FYB1: variants seen among roughly 807,000 people sequenced by gnomAD.
The protein encoded by FYB1 is FYN-binding protein 1.
FYB1 carries 41 observed loss-of-function variants against 94.1 expected under a neutral mutation model. That is an observed-to-expected ratio of 0.44 (90% CI 0.34 to 0.57). The LOEUF (loss-of-function observed/expected upper bound fraction) is 0.57. Among genes scored for constraint, FYB1 ranks in the 20% least tolerant of loss-of-function variants. The pLI, the probability that FYB1 is intolerant of heterozygous loss-of-function variation, is 0.02. For synonymous variants in FYB1, 367 were observed against 353.2 expected, an observed-to-expected ratio of 1.04 and a Z score of -0.44; for missense variants, 1,050 against 976.8, an observed-to-expected ratio of 1.07 and a Z score of -1.00.
chr5:39,127,794 T>C lies in FYB1; in HGVS notation c.1854A>G (p.Pro618=). 1 of 1,604,302 alleles carries C rather than the reference T, an allele frequency of 6.2e-7. No homozygotes were observed. Among genetic ancestry groups the C allele is most frequent in the South Asian group, 1.1e-5 (1 of 89,148 alleles). Residue 618 remains proline, a synonymous_variant, in exon 11 of 19, where the codon CCA becomes CCG. Transcript: ENST00000512982. Reference sequence around the variant, plus strand: ...CATCATAAATGTCATCATCTGGTGGTGGAGGGAATATCCCTTCATTTGGAT... The same window carrying C: ...CATCATAAATGTCATCATCTGGTGGCGGAGGGAATATCCCTTCATTTGGAT... ...SQSGSGGIFP[P]PPDDDIYDGI...
At chr5:39,198,253 A>C (rs952453899) in intron 2 of FYB1, among the ~76,000 whole-genome samples, 1 of 152,208 alleles carries the variant, frequency 6.6e-6, no homozygotes, top group South Asian at 2.1e-4. Flanking sequence ...TAGCTAGTAC[A>C]TTAGTCATGC....
At chr5:39,129,283 T>C (rs1740967415) in intron 10 of FYB1, among the ~76,000 whole-genome samples, 1 of 151,902 alleles carries the variant, frequency 6.6e-6, no homozygotes, top group South Asian at 2.1e-4. Flanking sequence ...CTAGGCGCCA[T>C]CTCTCACCAT....
chr5:39,224,176 A>T (rs1750378872), upstream of FYB1, among the ~76,000 whole-genome samples: 3 of 152,364 alleles, frequency 2.0e-5, no homozygotes, highest in African/African-American at 7.2e-5. Context: ...TTTCAAGGAA[A>T]GGTGATCTGG....
rs113394705 is a variant in FYB1, at chr5:39,165,860, C to A, written c.1136-12256G>T. ...CAAAAGAAGACACACATGTGGCCAA[C>A]AAGAATATGAAAAAGTGCTCCACAT... On this transcript the variant is annotated intron_variant, in intron 2 of 18. Transcript: ENST00000512982. Among the ~76,000 whole-genome samples the A allele has an allele frequency of 1.2e-4, 18 of 152,210 alleles. 1 individual carries two copies. The highest frequency in any genetic ancestry group is 3.4e-4 in the African/African-American group (14 of 41,536).
chr5:39,222,249 A>G (rs916016798), upstream of FYB1, among the ~76,000 whole-genome samples: 7 of 152,020 alleles, frequency 4.6e-5, no homozygotes, highest in Non-Finnish European at 1.0e-4. Flanking sequence ...GTTGTTGGAG[A>G]TATGTCTGTG....
Position 39,181,346 on chromosome 5 carries a change from T to C in FYB1, c.1135+20480A>G, listed in dbSNP as rs143046965. ...GCCTGTGGCTATTGAATGTTTAAGA[T>C]GTGGCTAGTGCAACTGAGGAGCTGA... On this transcript the variant is annotated intron_variant, in intron 2 of 18. Coordinates refer to ENST00000512982, the MANE Select transcript of FYB1 (RefSeq NM_001465.6). Among the ~76,000 whole-genome samples the C allele has an allele frequency of 9.7e-3, 1,480 of 152,084 alleles. 13 individuals carry two copies. The highest frequency in any genetic ancestry group is 0.031 in the Middle Eastern group (9 of 294).
At chr5:39,218,241 C>G (rs533349681) in intron 1 of FYB1, among the ~76,000 whole-genome samples, 2 of 152,198 alleles carry the variant, frequency 1.3e-5, no homozygotes, top group African/African-American at 4.8e-5. Context: ...TGCACCATAA[C>G]GCCTTTGATA....
intron 2 of FYB1, among the ~76,000 whole-genome samples, chr5:39,158,906 T>C (rs1434700414): frequency 6.6e-6 from 1 of 152,176 alleles, no homozygotes; most frequent in Non-Finnish European, 1.5e-5. Flanking sequence ...AGACCAGGCA[T>C]TAGAAAACTT....
intron 16 of FYB1, among the ~76,000 whole-genome samples, chr5:39,116,955 G>A (rs1739627322): frequency 6.6e-6 from 1 of 152,150 alleles, no homozygotes; most frequent in Non-Finnish European, 1.5e-5. Context: ...TTGCTGCTAA[G>A]CATAGGAGAC....
intron 9 of FYB1, among the ~76,000 whole-genome samples, chr5:39,131,034 A>T (rs1217994174): frequency 6.6e-6 from 1 of 152,158 alleles, no homozygotes; most frequent in Non-Finnish European, 1.5e-5. Flanking sequence ...TCTTTTGACC[A>T]CAGCATTTTA....
chr5:39,197,353 T>C (rs374986046), intron 2 of FYB1, among the ~76,000 whole-genome samples: 82 of 152,316 alleles, frequency 5.4e-4, no homozygotes, highest in African/African-American at 1.8e-3. Context: ...AATTATACCA[T>C]GCAGCAAATA....
intron 3 of FYB1, among the ~76,000 whole-genome samples, chr5:39,144,023 C>A (rs930046326): frequency 6.6e-6 from 1 of 152,124 alleles, no homozygotes; most frequent in African/African-American, 2.4e-5. Flanking sequence ...AAGCCAAACT[C>A]ATAGTAAAAA....
chr5:39,156,189 G>A (rs1323843306), intron 2 of FYB1, among the ~76,000 whole-genome samples: 1 of 152,130 alleles, frequency 6.6e-6, no homozygotes, highest in Non-Finnish European at 1.5e-5. Context: ...TGGAAACACT[G>A]AAAACTGACT....
intron 1 of FYB1, among the ~76,000 whole-genome samples, chr5:39,235,490 T>C (rs1373296922): frequency 6.6e-6 from 1 of 151,984 alleles, no homozygotes; most frequent in Admixed American, 6.6e-5. Flanking sequence ...ACATTTAGCA[T>C]CTTTGTGAAT....
At chr5:39,190,347 A>G (rs1043272548) in intron 2 of FYB1, among the ~76,000 whole-genome samples, 14 of 152,178 alleles carry the variant, frequency 9.2e-5, no homozygotes, top group Admixed American at 8.5e-4. Flanking sequence ...GGAGGGAGAA[A>G]GTTGGTTGGG....
Position 39,201,858 on chromosome 5 carries a change from A to C in FYB1, c.1103T>G (p.Leu368Arg), listed in dbSNP as rs1347917249. The change falls in exon 2 of 19, where the codon CTG (leucine) becomes CGG (arginine). Residue 368 changes from leucine (L) to arginine (R), a missense_variant. Coordinates refer to ENST00000512982, the MANE Select transcript of FYB1 (RefSeq NM_001465.6). The stretch of plus-strand genomic sequence containing the variant: ...AGAAGAGGTTTTGTGGAATTTCGTC[A>C]GGTCAACATTTGGTGGTCTGTTGGG... Reference protein sequence around the residue: ...PKPNRPPNVDLTKFHKTSSGN... With the variant: ...PKPNRPPNVDRTKFHKTSSGN... The C allele has an allele frequency of 6.2e-7, 1 of 1,613,108 alleles. No homozygotes were observed. Among genetic ancestry groups the C allele is most frequent in the Non-Finnish European group, 8.5e-7 (1 of 1,179,430 alleles).
chr5:39,134,673 A>C (rs569718680), intron 8 of FYB1, among the ~76,000 whole-genome samples, 182 bp downstream of exon 8: 15 of 152,302 alleles, frequency 9.8e-5, no homozygotes, highest in Middle Eastern at 3.4e-3. Flanking sequence ...GTTGTTTCCC[A>C]CAATATAGAT....
chr5:39,178,691 A>G (rs1164193944), intron 2 of FYB1, among the ~76,000 whole-genome samples: 9 of 152,210 alleles, frequency 5.9e-5, no homozygotes, highest in Admixed American at 2.6e-4. Context: ...AAGATTCAAA[A>G]AAATGCATAA....
At chr5:39,192,317 A>G (rs1015093779) in intron 2 of FYB1, among the ~76,000 whole-genome samples, 1 of 152,172 alleles carries the variant, frequency 6.6e-6, no homozygotes, top group Non-Finnish European at 1.5e-5. Context: ...TTTCATTTTA[A>G]TGCTTTTAAT....
Sources: allele counts gnomAD v4.1 joint callset (sites outside exome capture counted in the v4.1 genomes callset), GRCh38; gene constraint gnomAD v4.1.1; transcripts MANE v1.5; gene names NCBI Gene and HGNC (gene_info 2026-07-23, HGNC 2026-07-21).